Variants in DLC1 observed in about 807,000 individuals in gnomAD.
DLC1 encodes DLC1 Rho GTPase activating protein.
Under a neutral mutation model 140.3 loss-of-function variants are expected in DLC1, and 54 were observed. That is an observed-to-expected ratio of 0.38 (90% CI 0.31 to 0.48). The LOEUF (loss-of-function observed/expected upper bound fraction) is 0.48, where lower values mean the gene tolerates loss of function less well. DLC1 is among the 20% of genes least tolerant of loss of function. The pLI is 0.96. For missense variants in DLC1, 2,536 were observed against 1,907.0 expected (o/e 1.33, Z -6.14); for synonymous variants, 986 against 728.1 (o/e 1.35, Z -5.70).
At position 13,536,243 on chromosome 8, in the gene DLC1, C is replaced by T. The variant is rs28498216; in HGVS notation, c.-125-36047G>A. The T allele has an allele frequency of 6.5e-3, 983 of 152,184 alleles. 14 individuals carry two copies. The highest frequency in any genetic ancestry group is 0.022 in the African/African-American group (931 of 41,514). The allele number at this position is 152,184 out of a possible 1,614,324, so 9.4% of individuals were successfully genotyped here. A position where few individuals can be genotyped will look rare whatever the true frequency, so the allele number is the denominator to read the frequency against. ...ACACAAAGTGAAGGAAGGTCTGATC[C>T]GATTCCACGGAGAGACAAATAACAG... On this transcript the variant is annotated intron_variant, in intron 1 of 1. Coordinates refer to the DLC1 transcript ENST00000631382.
intron 4 of DLC1, among the ~76,000 whole-genome samples, chr8:13,356,685 G>A (rs576490584): frequency 2.6e-5 from 4 of 151,972 alleles, no homozygotes; most frequent in Non-Finnish European, 4.4e-5. Flanking sequence ...CTCCACTGTT[G>A]CTAGCCCATG....
chr8:13,382,228 C>G (rs1008619087), intron 4 of DLC1, among the ~76,000 whole-genome samples: 1 of 151,970 alleles, frequency 6.6e-6, no homozygotes, highest in South Asian at 2.1e-4. Flanking sequence ...AAAGAGGAGG[C>G]CGGGCGCGGT....
At position 13,179,668 on chromosome 8, in the gene DLC1, C is replaced by T. The variant is rs1825935213; in HGVS notation, c.1349-64011G>A. 2.6e-5 allele frequency among the ~76,000 whole-genome samples: 4 copies of T among 151,972 alleles called. No individual in the cohort carries two copies. The South Asian group carries it at 8.3e-4, about 32-fold the overall frequency. On this transcript the variant is annotated intron_variant, in intron 5 of 17. Coordinates refer to ENST00000276297, the MANE Select transcript of DLC1 (RefSeq NM_182643.3). ...CCCAGGAGGTTGCGGCCACAGTGAG[C>T]ACTGATTATACCACTGCATTCCAGC...
intron 5 of DLC1, among the ~76,000 whole-genome samples, chr8:13,296,685 C>T (rs1044911188): frequency 6.6e-6 from 1 of 151,660 alleles, no homozygotes; most frequent in Non-Finnish European, 1.5e-5. Flanking sequence ...ACATGGCATG[C>T]GGGGTGACAA....
intron 5 of DLC1, among the ~76,000 whole-genome samples, chr8:13,290,622 AG>A (rs1267172165): frequency 6.6e-6 from 1 of 152,204 alleles, no homozygotes; most frequent in Non-Finnish European, 1.5e-5. Flanking sequence ...AGAGTATAAA[AG>A]GATGCCAGCC....
At chr8:13,120,098 T>C (rs1308868804) in intron 5 of DLC1, among the ~76,000 whole-genome samples, 1 of 151,418 alleles carries the variant, frequency 6.6e-6, no homozygotes, top group Non-Finnish European at 1.5e-5. Context: ...ATACCAGCAC[T>C]TTAGGAGGCC....
intron 2 of DLC1, among the ~76,000 whole-genome samples, chr8:13,445,608 G>C (rs1049722849): frequency 6.6e-6 from 1 of 152,172 alleles, no homozygotes; most frequent in Admixed American, 6.5e-5. Context: ...CCACAGTAAT[G>C]AGTGAGGACA....
chr8:13,456,446 CTTTT>C (rs909686053), intron 2 of DLC1, among the ~76,000 whole-genome samples: 1 of 143,356 alleles, frequency 7.0e-6, no homozygotes, highest in African/African-American at 2.8e-5. Context: ...CTTCTACTTC[CTTTT>C]TTATTTTTTT....
intron 1 of DLC1, chr8:13,584,440 C>T (rs1318127341): frequency 1.3e-5 from 2 of 152,472 alleles, no homozygotes; most frequent in African/African-American, 4.8e-5. Flanking sequence ...TTGATCATTT[C>T]TTGGAGAGTA....
chr8:13,586,589 GCACACA>G (rs3066494), intron 1 of DLC1, among the ~76,000 whole-genome samples: 2,535 of 142,980 alleles, frequency 0.018, 50 homozygotes, highest in African/African-American at 0.052. Flanking sequence ...AGATGCACAT[GCACACA>G]CACACACACA....
intron 5 of DLC1, among the ~76,000 whole-genome samples, chr8:13,167,503 G>A (rs1419189725): frequency 2.0e-5 from 3 of 152,114 alleles, no homozygotes; most frequent in East Asian, 1.9e-4. Flanking sequence ...GGGAAACCTC[G>A]GTATTTTATC....
At chr8:13,204,983 C>G (rs1388643543) in intron 5 of DLC1, among the ~76,000 whole-genome samples, 1 of 152,136 alleles carries the variant, frequency 6.6e-6, no homozygotes, top group Admixed American at 6.6e-5. Context: ...CTTCTTAACA[C>G]CTTCTTGATC....
chr8:13,404,061 A>G (rs893934462), intron 2 of DLC1, among the ~76,000 whole-genome samples: 2 of 152,058 alleles, frequency 1.3e-5, no homozygotes, highest in Admixed American at 1.3e-4. Flanking sequence ...TGGTCTTGTT[A>G]TGCTGAAGTC....
rs763007362 is a variant in DLC1, at chr8:13,085,776, C to G, written c.*35G>C. On this transcript the variant is annotated 3_prime_UTR_variant, in exon 18 of 18. Transcript: ENST00000276297. The stretch of plus-strand genomic sequence containing the variant: ...CTGGCAAAAGTTCTAGAAACAAACA[C>G]CATGGTGGTGGAAGCGGTTGCGTTG... 4 of 1,613,466 alleles carry G rather than the reference C, an allele frequency of 2.5e-6. No individual in the cohort carries two copies. The highest frequency in any genetic ancestry group is 3.3e-5 in the Admixed American group (2 of 59,952).
chr8:13,105,727 G>A (rs1819511017), intron 7 of DLC1, among the ~76,000 whole-genome samples: 1 of 151,388 alleles, frequency 6.6e-6, no homozygotes. Flanking sequence ...ACAGGTGCCC[G>A]CCACCAGGCC....
intron 5 of DLC1, among the ~76,000 whole-genome samples, chr8:13,168,978 A>C (rs1337511523): frequency 6.6e-6 from 1 of 152,236 alleles, no homozygotes; most frequent in Non-Finnish European, 1.5e-5. Flanking sequence ...TCCTCTTTGC[A>C]TTGTAGAAAA....
chr8:13,291,882 G>A (rs781042291), intron 5 of DLC1, among the ~76,000 whole-genome samples: 6 of 152,068 alleles, frequency 3.9e-5, no homozygotes, highest in Non-Finnish European at 5.9e-5. Context: ...TACCATAGAC[G>A]AAGCAAAGGT....
At chr8:13,106,524 T>C (rs539714462) in intron 7 of DLC1, among the ~76,000 whole-genome samples, 11 of 152,294 alleles carry the variant, frequency 7.2e-5, no homozygotes, top group Admixed American at 6.5e-4. Context: ...ATTTTTGTTC[T>C]TTATTATAGA....
At chr8:13,119,484 T>A (rs1285285076) in intron 5 of DLC1, among the ~76,000 whole-genome samples, 2 of 152,152 alleles carry the variant, frequency 1.3e-5, no homozygotes, top group African/African-American at 4.8e-5. Context: ...CTCTCAACAG[T>A]TCTATATCAA....
Sources: allele counts gnomAD v4.1 joint callset (sites outside exome capture counted in the v4.1 genomes callset), GRCh38; gene constraint gnomAD v4.1.1; transcripts MANE v1.5; gene names NCBI Gene and HGNC (gene_info 2026-07-23, HGNC 2026-07-21).